SCARA3: variants seen among roughly 807,000 people sequenced by gnomAD.
SCARA3 encodes the protein scavenger receptor class A member 3, also known as cellular stress response gene protein.
Under a neutral mutation model 47.0 loss-of-function variants are expected in SCARA3, and 39 were observed. The ratio of observed to expected loss-of-function variants is 0.83; its 90% CI spans 0.64 to 1.08. The LOEUF is 1.08. Among genes scored for constraint, SCARA3 ranks in the 50% least tolerant of loss-of-function variants. The probability of loss-of-function intolerance (pLI) is 0.00; values close to 1 mark genes in which losing one functional copy is unlikely to be tolerated. For missense variants in SCARA3, 724 were observed against 792.3 expected, an observed-to-expected ratio of 0.91 and a Z score of 1.04; for synonymous variants, 356 against 334.1, an observed-to-expected ratio of 1.07 and a Z score of -0.71.
At chr8:27,705,643 T>A in the SCARA3 span, among the ~76,000 whole-genome samples, 1 of 152,244 alleles carries the variant, frequency 6.6e-6, no homozygotes. Context: ...AATAAGTATT[T>A]ACTTAGTGTG....
At chr8:27,718,755 C>A in the SCARA3 span, among the ~76,000 whole-genome samples, 21 of 152,232 alleles carry the variant, frequency 1.4e-4, no homozygotes, top group Non-Finnish European at 1.9e-4. Context: ...TTCAAAATAC[C>A]CAGATGACTG....
chr8:27,649,620 G>C lies in SCARA3; in HGVS notation c.8-82G>C. The C allele has an allele frequency of 2.3e-6, 3 of 1,298,902 alleles. No individual in the cohort carries two copies. The South Asian group carries it at 3.7e-5, about 16-fold the overall frequency. 80.5% of individuals were successfully genotyped at this position (1,298,902 alleles called of 1,614,324 possible). A position where few individuals can be genotyped will look rare whatever the true frequency, so the allele number is the denominator to read the frequency against. ...TGGCTCAGGGGTAGAGGTGGGCATG[G>C]GATATGGGGACAGGTAAATAAAAGG... On this transcript the variant is annotated intron_variant, in intron 1 of 5. Transcript: ENST00000301904.
At chr8:27,697,794 CTT>C in the SCARA3 span, among the ~76,000 whole-genome samples, 2 of 152,200 alleles carry the variant, frequency 1.3e-5, no homozygotes, top group Non-Finnish European at 2.9e-5. Flanking sequence ...CTCACTCTCT[CTT>C]TGCCTGCCAT....
chr8:27,727,386 G>A, the SCARA3 span, among the ~76,000 whole-genome samples: 1 of 152,172 alleles, frequency 6.6e-6, no homozygotes, highest in African/African-American at 2.4e-5. Flanking sequence ...CTGAACCTCC[G>A]CGTGATGCGC....
intron 1 of SCARA3, among the ~76,000 whole-genome samples, chr8:27,647,750 G>C (rs986701167): frequency 6.6e-6 from 1 of 152,196 alleles, no homozygotes; most frequent in Non-Finnish European, 1.5e-5. Flanking sequence ...GGGAAGTGAC[G>C]TTTAAGCCAT....
the SCARA3 span, among the ~76,000 whole-genome samples, chr8:27,690,042 C>T: frequency 6.6e-6 from 1 of 152,134 alleles, no homozygotes; most frequent in African/African-American, 2.4e-5. Flanking sequence ...TTCAGAGAGG[C>T]TACCTTTTCC....
chr8:27,652,399 T>G (rs1411479671), intron 3 of SCARA3, among the ~76,000 whole-genome samples: 4 of 152,208 alleles, frequency 2.6e-5, no homozygotes, highest in African/African-American at 9.6e-5. Context: ...ATTCCACTCT[T>G]AGCTTCAAAC....
At chr8:27,682,678 A>C in the SCARA3 span, among the ~76,000 whole-genome samples, 1 of 152,204 alleles carries the variant, frequency 6.6e-6, no homozygotes, top group Non-Finnish European at 1.5e-5. Flanking sequence ...TAAAACCACT[A>C]CACTCATAAT....
the SCARA3 span, among the ~76,000 whole-genome samples, chr8:27,689,907 T>TGAGGCCAGGAATTCAA: frequency 6.6e-6 from 1 of 152,162 alleles, no homozygotes; most frequent in Non-Finnish European, 1.5e-5. Flanking sequence ...GAGGATTTCT[T>TGAGGCCAGGAATTCAA]GAGGCCAGGA....
downstream of SCARA3, among the ~76,000 whole-genome samples, chr8:27,680,492 T>C (rs1463595585): frequency 6.6e-6 from 1 of 151,912 alleles, no homozygotes; most frequent in Non-Finnish European, 1.5e-5. Flanking sequence ...AAGATAAAAA[T>C]CACAGAAACT....
rs529090995 is a variant in SCARA3, at chr8:27,670,641, C to T, written c.1370-259C>T. ...GAGCAGGACAGGCAATCCTGGACAA[C>T]CTTGGCCCCTTCTCGAAGCTGGCCA... On this transcript the variant is annotated intron_variant, in intron 5 of 5. Coordinates refer to ENST00000301904, the MANE Select transcript of SCARA3 (RefSeq NM_016240.3). 2.0e-4 allele frequency among the ~76,000 whole-genome samples: 30 copies of T among 152,096 alleles called. 1 individual carries two copies. In the South Asian group the frequency reaches 6.2e-3, roughly 32 times the overall value.
chr8:27,665,267 T>C (rs760204549), intron 5 of SCARA3, among the ~76,000 whole-genome samples: 3 of 152,234 alleles, frequency 2.0e-5, no homozygotes, highest in Non-Finnish European at 4.4e-5. Flanking sequence ...GTAAATGAAG[T>C]GGTAAGACCA....
intron 1 of SCARA3, among the ~76,000 whole-genome samples, chr8:27,639,192 C>T (rs941369001): frequency 2.0e-5 from 3 of 152,140 alleles, no homozygotes; most frequent in African/African-American, 7.2e-5. Flanking sequence ...AGTCAGCCAA[C>T]ATGTATGGAG....
At chr8:27,725,380 A>ATTATAT in the SCARA3 span, among the ~76,000 whole-genome samples, 105 of 149,072 alleles carry the variant, frequency 7.0e-4, no homozygotes, top group African/African-American at 2.1e-3. Flanking sequence ...TAATATTTAT[A>ATTATAT]TTATATTTAT....
At chr8:27,704,233 C>T in the SCARA3 span, among the ~76,000 whole-genome samples, 1 of 151,960 alleles carries the variant, frequency 6.6e-6, no homozygotes, top group African/African-American at 2.4e-5. Flanking sequence ...ATCACTTGAG[C>T]CCAGGAGTTT....
chr8:27,709,368 G>C, the SCARA3 span, among the ~76,000 whole-genome samples: 1 of 152,164 alleles, frequency 6.6e-6, no homozygotes, highest in East Asian at 1.9e-4. Flanking sequence ...GAAGAGGCAG[G>C]ACCAGAATGA....
the SCARA3 span, among the ~76,000 whole-genome samples, chr8:27,725,220 TAAA>T: frequency 6.6e-6 from 1 of 151,918 alleles, no homozygotes; most frequent in East Asian, 1.9e-4. Flanking sequence ...ACATCAGAGA[TAAA>T]AGATATGAAG....
chr8:27,729,610 G>A, the SCARA3 span, among the ~76,000 whole-genome samples: 9 of 152,020 alleles, frequency 5.9e-5, no homozygotes, highest in South Asian at 1.7e-3. Context: ...GGCCAACATG[G>A]TGAAACCCCG....
rs1801632000 is a variant in SCARA3 at position 27,651,542 on chromosome 8, G to A, written c.141G>A (p.Lys47=). ...GGCCCCGCTGCAGCCGCTGCCAGAA[G>A]AACCTATCTTTGCACACATCGGTGC... ...RPGPRCSRCQ[K]NLSLHTSVRI... The change falls in exon 3 of 6, where the codon AAG becomes AAA. Residue 47 remains lysine, a synonymous_variant. Coordinates refer to ENST00000301904, the MANE Select transcript of SCARA3 (RefSeq NM_016240.3). The A allele has an allele frequency of 1.2e-6, 2 of 1,613,840 alleles. No individual in the cohort carries two copies. The highest frequency in any genetic ancestry group is 8.5e-7 in the Non-Finnish European group (1 of 1,180,028).
Sources: gnomAD v4.1 joint callset for allele counts (sites outside exome capture counted in the v4.1 genomes callset) on GRCh38, gnomAD v4.1.1 for gene constraint, MANE v1.5 for transcripts, NCBI Gene and HGNC (gene_info 2026-07-23, HGNC 2026-07-21) for gene names.